Variants in LCORL observed in about 807,000 individuals in gnomAD.
The protein encoded by LCORL is ligand-dependent nuclear receptor corepressor-like protein.
A neutral mutation model predicts 141.8 loss-of-function variants in LCORL; 41 were observed. That is an observed-to-expected ratio of 0.29 (90% CI 0.23 to 0.38). LCORL has a LOEUF of 0.38. Ranked by LOEUF, LCORL falls within the 10% of genes least tolerant of loss-of-function variation. The pLI is 1.00. For synonymous variants in LCORL, 618 were observed against 694.1 expected (o/e 0.89, Z 1.72); for missense variants, 1,759 against 2,035.0 (o/e 0.86, Z 2.61).
chr4:17,971,878 G>A (rs1716022103), intron 2 of LCORL, among the ~76,000 whole-genome samples: 1 of 151,266 alleles, frequency 6.6e-6, no homozygotes, highest in Admixed American at 6.6e-5. Context: ...AAGAAATTAA[G>A]AAAATCTTTT....
intron 1 of LCORL, among the ~76,000 whole-genome samples, chr4:18,000,839 A>G (rs1239516248): frequency 1.3e-5 from 2 of 152,216 alleles, no homozygotes; most frequent in Non-Finnish European, 2.9e-5. Context: ...TGGTGGTTAT[A>G]AGAGTATGTT....
intron 1 of LCORL, among the ~76,000 whole-genome samples, chr4:17,993,789 G>C (rs994023951): frequency 2.0e-5 from 3 of 152,110 alleles, no homozygotes. Context: ...AAGACAGGAT[G>C]GTTAGAAAGC....
chr4:17,962,791 C>T (rs1300205841), intron 3 of LCORL, among the ~76,000 whole-genome samples, 179 bp downstream of exon 3: 1 of 151,808 alleles, frequency 6.6e-6, no homozygotes, highest in Non-Finnish European at 1.5e-5. Flanking sequence ...TTTTCACCTG[C>T]AAGTTAAGCT....
intron 5 of LCORL, among the ~76,000 whole-genome samples, chr4:17,890,029 T>C (rs1480693694): frequency 6.6e-6 from 1 of 152,090 alleles, no homozygotes; most frequent in Non-Finnish European, 1.5e-5. Context: ...ATTTTACTAG[T>C]ATATTCTCTG....
At chr4:17,939,879 T>TACACACACACACACAC (rs143670453) in intron 4 of LCORL, among the ~76,000 whole-genome samples, 9,875 of 147,760 alleles carry the variant, frequency 0.067, 1,094 homozygotes, top group African/African-American at 0.23. Context: ...TAGGTACATG[T>TACACACACACACACAC]ACACACACAC....
chr4:17,855,386 GCCAA>G (rs955672785), intron 7 of LCORL, among the ~76,000 whole-genome samples: 9 of 152,132 alleles, frequency 5.9e-5, no homozygotes, highest in African/African-American at 1.9e-4. Context: ...CTAAAACACT[GCCAA>G]CCAACTGTAA....
intron 1 of LCORL, 106 bp from the exon 2 acceptor site, chr4:17,972,991 T>A (rs903114218): frequency 2.8e-5 from 13 of 459,662 alleles, no homozygotes; most frequent in African/African-American, 2.5e-4. Flanking sequence ...TAACATACCA[T>A]AAATATTTTT....
At chr4:17,950,001 G>T (rs1346623515) in intron 4 of LCORL, among the ~76,000 whole-genome samples, 2 of 152,040 alleles carry the variant, frequency 1.3e-5, no homozygotes, top group African/African-American at 4.8e-5. Flanking sequence ...GCTTTTATGG[G>T]GGAAAAATGC....
At chr4:17,865,134 T>C (rs1725490604) in intron 7 of LCORL, among the ~76,000 whole-genome samples, 1 of 152,204 alleles carries the variant, frequency 6.6e-6, no homozygotes, top group Non-Finnish European at 1.5e-5. Context: ...TGAACAGCAC[T>C]AGCAACCATC....
exon 5 of LCORL, chr4:17,909,270 G>A (rs2109326907): frequency 1.2e-6 from 2 of 1,610,836 alleles, no homozygotes; most frequent in South Asian, 1.1e-5. Flanking sequence ...GTACTCAATC[G>A]CAAATTGACG....
chr4:17,898,273 T>C (rs1730300072), intron 5 of LCORL, among the ~76,000 whole-genome samples: 1 of 152,196 alleles, frequency 6.6e-6, no homozygotes, highest in South Asian at 2.1e-4. Flanking sequence ...CTGGGTAAAA[T>C]CACTTGATAT....
At chr4:17,899,431 G>T (rs34916030) in intron 5 of LCORL, among the ~76,000 whole-genome samples, 18,717 of 152,184 alleles carry the variant, frequency 0.12, 1,281 homozygotes, top group South Asian at 0.24. Flanking sequence ...CTGAAGTACA[G>T]TGGGCTTGGC....
intron 7 of LCORL, among the ~76,000 whole-genome samples, chr4:17,870,528 ATCC>A (rs1726220355): frequency 6.6e-6 from 1 of 152,172 alleles, no homozygotes; most frequent in South Asian, 2.1e-4. Flanking sequence ...AGCAGTCATC[ATCC>A]TTCTACTGGA....
chr4:17,884,495 A>C lies in LCORL; in HGVS notation c.776+1573T>G. The C allele has an allele frequency of 6.5e-7, 1 of 1,545,898 alleles. No individual in the cohort carries two copies. The highest frequency in any genetic ancestry group is 8.7e-7 in the Non-Finnish European group (1 of 1,145,230). On this transcript the variant is annotated intron_variant, in intron 6 of 7. Transcript: ENST00000635767. This position sits in a 1 kb window ranked among gnomAD's most constrained non-coding sequence, Gnocchi z 4.4. ...TGCCCACAAGGCTACTTTTTGCAGC[A>C]CTGCACAAGTTTCTTTACTGTCCTT...
intron 4 of LCORL, among the ~76,000 whole-genome samples, chr4:17,931,803 T>C (rs1209946219): frequency 6.6e-6 from 1 of 152,182 alleles, no homozygotes; most frequent in African/African-American, 2.4e-5. Context: ...GAGTTCAATA[T>C]ATATTCATAA....
exon 7 of LCORL, chr4:17,876,785 C>T: frequency 8.1e-7 from 1 of 1,230,794 alleles, no homozygotes; most frequent in Non-Finnish European, 1.0e-6. Flanking sequence ...CAGATTTCTC[C>T]TGTGGCTTTC....
chr4:18,015,345 T>C (rs890220826), intron 1 of LCORL, among the ~76,000 whole-genome samples: 18 of 152,092 alleles, frequency 1.2e-4, no homozygotes, highest in Admixed American at 2.0e-4. Context: ...TATCTAACAT[T>C]TACAAAATAT....
intron 7 of LCORL, 141 bp downstream of exon 7, chr4:17,873,247 T>C (rs1383588923): frequency 8.4e-6 from 4 of 473,968 alleles, no homozygotes; most frequent in Non-Finnish European, 1.4e-5. Context: ...TTCACGAGTT[T>C]CATACTAGGT....
chr4:17,914,908 T>C (rs1351403109), intron 4 of LCORL, among the ~76,000 whole-genome samples: 1 of 152,202 alleles, frequency 6.6e-6, no homozygotes, highest in Non-Finnish European at 1.5e-5. Flanking sequence ...TGCTGTGCAA[T>C]ACCCTCTTAG....
Sources: allele counts gnomAD v4.1 joint callset (sites outside exome capture counted in the v4.1 genomes callset), GRCh38; gene constraint gnomAD v4.1.1; non-coding constraint Gnocchi (gnomAD v3.1); transcripts MANE v1.5; gene names NCBI Gene and HGNC (gene_info 2026-07-23, HGNC 2026-07-21).